Variants in LMCD1 observed in about 807,000 individuals in gnomAD.
LMCD1 encodes LIM and cysteine-rich domains protein 1.
LMCD1 carries 32 observed loss-of-function variants against 42.7 expected under a neutral mutation model. The observed-to-expected ratio is 0.75, with a 90% CI of 0.57 to 1.01. LMCD1 has a LOEUF of 1.01. LMCD1 is among the 50% of genes least tolerant of loss of function. LMCD1 has a pLI of 0.00. For synonymous variants in LMCD1, 178 were observed against 184.9 expected, an observed-to-expected ratio of 0.96 and a Z score of 0.30; for missense variants, 458 against 483.1, an observed-to-expected ratio of 0.95 and a Z score of 0.49.
intron 3 of LMCD1, among the ~76,000 whole-genome samples, 148 bp from the exon 4 acceptor site, chr3:8,548,415 ATTAAG>A (rs1259116736): frequency 1.3e-5 from 2 of 152,186 alleles, no homozygotes; most frequent in Admixed American, 6.5e-5. Context: ...ATCTAACTGC[ATTAAG>A]TTAAGAAAAT....
chr3:8,542,792 C>A (rs1229005771), intron 3 of LMCD1, among the ~76,000 whole-genome samples: 1 of 152,226 alleles, frequency 6.6e-6, no homozygotes, highest in African/African-American at 2.4e-5. Flanking sequence ...TACTTAACTT[C>A]TCTGTGCCTC....
intron 2 of LMCD1, among the ~76,000 whole-genome samples, chr3:8,534,296 G>A (rs895482644): frequency 1.1e-4 from 16 of 151,788 alleles, no homozygotes; most frequent in Non-Finnish European, 2.1e-4. Flanking sequence ...TGATCATTTG[G>A]TATATTTTTT....
rs1695165314 is a variant in LMCD1 at position 8,568,491 on chromosome 3, A to G, written c.*893A>G. 1 of 152,228 alleles carries G rather than the reference A, an allele frequency of 6.6e-6. No individual in the cohort carries two copies. Among genetic ancestry groups the G allele is most frequent in the Admixed American group, 6.5e-5 (1 of 15,288 alleles). The allele number at this position is 152,228 out of a possible 1,614,324, so 9.4% of individuals were successfully genotyped here. ...AACAGGGGCCACCTAAGCTCCACCA[A>G]TGGGTGCCACATGGGATGTGGTGAC... On this transcript the variant is annotated 3_prime_UTR_variant, in exon 6 of 6. Transcript: ENST00000157600.
intron 1 of LMCD1, among the ~76,000 whole-genome samples, chr3:8,503,535 C>G (rs1422636738): frequency 6.6e-6 from 1 of 152,196 alleles, no homozygotes; most frequent in African/African-American, 2.4e-5. Context: ...ATGCAATGCT[C>G]TTATTTCTCT....
At chr3:8,558,990 G>T (rs1351678307) in intron 4 of LMCD1, among the ~76,000 whole-genome samples, 1 of 151,216 alleles carries the variant, frequency 6.6e-6, no homozygotes, top group Admixed American at 6.7e-5. Context: ...GCCCTCTAGG[G>T]GATACTGAGG....
chr3:8,564,470 C>A (rs1344234451), intron 4 of LMCD1, among the ~76,000 whole-genome samples: 1 of 152,066 alleles, frequency 6.6e-6, no homozygotes, highest in Admixed American at 6.6e-5. Flanking sequence ...TGGGGTCTTG[C>A]TATGTTGCCC....
chr3:8,550,178 C>T (rs1003469049), intron 4 of LMCD1: 38 of 1,285,922 alleles, frequency 3.0e-5, no homozygotes, highest in Non-Finnish European at 3.5e-5. Context: ...TAAACTGCCC[C>T]ACAGAAGGCG....
chr3:8,523,531 T>C (rs1418038877), intron 1 of LMCD1, among the ~76,000 whole-genome samples: 4 of 152,230 alleles, frequency 2.6e-5, no homozygotes, highest in African/African-American at 9.6e-5. Flanking sequence ...GCTGCAAGTC[T>C]CACTCTTTCA....
At chr3:8,554,136 C>T (rs1210406515) in intron 4 of LMCD1, among the ~76,000 whole-genome samples, 1 of 152,146 alleles carries the variant, frequency 6.6e-6, no homozygotes, top group Non-Finnish European at 1.5e-5. Context: ...CCACAAACTC[C>T]CGGGTTCAAA....
intron 1 of LMCD1, chr3:8,514,960 G>A (rs893438651): frequency 1.1e-5 from 5 of 456,560 alleles, no homozygotes; most frequent in African/African-American, 2.0e-5. Context: ...TAAAGTAATC[G>A]AGCGAATACT....
At chr3:8,520,049 TGTAC>T in intron 1 of LMCD1, among the ~76,000 whole-genome samples, 1 of 152,202 alleles carries the variant, frequency 6.6e-6, no homozygotes, top group South Asian at 2.1e-4. Context: ...ATAATAGTGC[TGTAC>T]GTTTATACAA....
chr3:8,523,696 A>G (rs1694245165), intron 1 of LMCD1, among the ~76,000 whole-genome samples: 1 of 152,254 alleles, frequency 6.6e-6, no homozygotes, highest in South Asian at 2.1e-4. Flanking sequence ...GATGGGGAAC[A>G]TTTGTTTTAC....
intron 4 of LMCD1, among the ~76,000 whole-genome samples, 190 bp from the exon 5 acceptor site, chr3:8,565,242 C>A (rs775444464): frequency 6.6e-6 from 1 of 152,044 alleles, no homozygotes; most frequent in Non-Finnish European, 1.5e-5. Context: ...TTATTTAGTC[C>A]TCGTGAATAG....
Position 8,570,776 on chromosome 3 carries a change from G to C in LMCD1, c.*3178G>C, listed in dbSNP as rs1461477643. On this transcript the variant is annotated 3_prime_UTR_variant, in exon 6 of 6. Coordinates refer to ENST00000157600, the MANE Select transcript of LMCD1 (RefSeq NM_014583.4). ...TCAGGGGCTCCCTGTTGCACACACAGAAAAAAATTGAAACTGTTTTACCTT... is the reference window on the plus strand; with the variant it reads ...TCAGGGGCTCCCTGTTGCACACACACAAAAAAATTGAAACTGTTTTACCTT... 2 of 152,070 alleles carry C rather than the reference G, an allele frequency of 1.3e-5. No individual in the cohort carries two copies. Among genetic ancestry groups the C allele is most frequent in the African/African-American group, 4.8e-5 (2 of 41,412 alleles). 9.4% of individuals were successfully genotyped at this position (152,070 alleles called of 1,614,324 possible).
Position 8,547,997 on chromosome 3 carries a change from G to A in LMCD1, c.388-571G>A, listed in dbSNP as rs548639217. ...CTAGGCCACAAATTGTACAGCATGT[G>A]ACTGTACTGAATACTATAGGCAATT... is the stretch of plus-strand genomic sequence containing the variant. On this transcript the variant is annotated intron_variant, in intron 3 of 5. Coordinates refer to ENST00000157600, the MANE Select transcript of LMCD1 (RefSeq NM_014583.4). Among the ~76,000 whole-genome samples the A allele has an allele frequency of 2.2e-4, 34 of 152,316 alleles. No individual in the cohort carries two copies. The South Asian group carries it at 2.3e-3, about 10-fold the overall frequency.
chr3:8,514,106 T>C (rs1330753129), intron 1 of LMCD1, among the ~76,000 whole-genome samples: 1 of 150,294 alleles, frequency 6.7e-6, no homozygotes, highest in African/African-American at 2.5e-5. Flanking sequence ...GATAGATAGA[T>C]ACATACATAC....
rs182329503 is a variant in LMCD1 at position 8,515,912 on chromosome 3, G to T, written c.42+13932G>T. ...CAGAACTGGCAAAGTAGGAGTGGGT[G>T]GGGGGAGTGGGGAGGAGACTTCGTG... On this transcript the variant is annotated intron_variant, in intron 1 of 5. Transcript: ENST00000157600. Among the ~76,000 whole-genome samples the T allele has an allele frequency of 1.1e-4, 16 of 152,230 alleles. No individual in the cohort carries two copies. In the East Asian group the frequency reaches 2.7e-3, roughly 26 times the overall value.
chr3:8,525,355 A>T (rs896905217), intron 1 of LMCD1, among the ~76,000 whole-genome samples: 4 of 152,130 alleles, frequency 2.6e-5, no homozygotes, highest in Non-Finnish European at 4.4e-5. Context: ...GTTGTCATGA[A>T]TGGCATTATT....
At chr3:8,537,480 C>T in intron 3 of LMCD1, 40 bp downstream of exon 3, 2 of 1,512,676 alleles carry the variant, frequency 1.3e-6, no homozygotes, top group East Asian at 2.3e-5. Flanking sequence ...TTTTCCTATC[C>T]TCATAAATAC....
Sources: gnomAD v4.1 joint callset for allele counts (sites outside exome capture counted in the v4.1 genomes callset) on GRCh38, gnomAD v4.1.1 for gene constraint, MANE v1.5 for transcripts, NCBI Gene and HGNC (gene_info 2026-07-23, HGNC 2026-07-21) for gene names.